IMMP2L: variants seen among roughly 807,000 people sequenced by gnomAD.
The protein encoded by IMMP2L is mitochondrial inner membrane protease subunit 2.
In IMMP2L, 18 loss-of-function variants were observed where a neutral mutation model predicts 19.3. The ratio of observed to expected loss-of-function variants is 0.93; its 90% CI spans 0.64 to 1.38. The LOEUF (loss-of-function observed/expected upper bound fraction) is 1.38, where lower values mean the gene tolerates loss of function less well. Among genes scored for constraint, IMMP2L ranks in the 40% most tolerant of loss-of-function variants. The pLI is 0.00. For synonymous variants in IMMP2L, 76 were observed against 73.0 expected (o/e 1.04, Z -0.21); for missense variants, 233 against 218.2 (o/e 1.07, Z -0.43).
At chr7:110,774,087 T>G (rs1799221693) in intron 5 of IMMP2L, among the ~76,000 whole-genome samples, 1 of 152,010 alleles carries the variant, frequency 6.6e-6, no homozygotes, top group Non-Finnish European at 1.5e-5. Flanking sequence ...CTGAAAAACT[T>G]TATAAGGGTG....
intron 5 of IMMP2L, among the ~76,000 whole-genome samples, chr7:110,867,882 T>A (rs1456975668): frequency 6.6e-6 from 1 of 152,040 alleles, no homozygotes. Context: ...TATCCTCACA[T>A]GGAGGTTTCT....
Position 110,663,719 on chromosome 7 carries a change from A to T in IMMP2L, c.411T>A (p.Val137=). Residue 137 remains valine, a splice_region_variant and synonymous_variant, in exon 6 of 6, where the codon GTT becomes GTA. Coordinates refer to ENST00000405709, the MANE Select transcript of IMMP2L (RefSeq NM_032549.4). Reference sequence around the variant, plus strand: ...CATGGGCATGCAGAAGTCCTAGGGAAACCTTAATTCATGAGAAACAGAAAG... The same window carrying T: ...CATGGGCATGCAGAAGTCCTAGGGATACCTTAATTCATGAGAAACAGAAAG... The part of the protein sequence containing the change: ...HSFDSNSFGP[V]SLGLLHAHAT... 1.0e-5 allele frequency: 16 copies of T among 1,571,474 alleles called. No homozygotes were observed. The highest frequency in any genetic ancestry group is 1.4e-5 in the Non-Finnish European group (16 of 1,162,064).
intron 3 of IMMP2L, among the ~76,000 whole-genome samples, chr7:111,436,499 T>C (rs1011117950): frequency 6.6e-6 from 1 of 151,558 alleles, no homozygotes; most frequent in South Asian, 2.1e-4. Context: ...GTCTCCCAAG[T>C]CTTTTTTTCT....
At chr7:111,480,186 C>T (rs1842058288) in intron 3 of IMMP2L, among the ~76,000 whole-genome samples, 1 of 151,570 alleles carries the variant, frequency 6.6e-6, no homozygotes, top group South Asian at 2.1e-4. Context: ...CAGGTTCACG[C>T]CATTCTCCTG....
intron 5 of IMMP2L, among the ~76,000 whole-genome samples, chr7:110,691,819 T>C (rs1584515004): frequency 6.6e-6 from 1 of 152,230 alleles, no homozygotes; most frequent in Non-Finnish European, 1.5e-5. Flanking sequence ...AATGTTGGCA[T>C]AGATGTGGTA....
At chr7:111,000,384 C>T (rs998518206) in intron 3 of IMMP2L, among the ~76,000 whole-genome samples, 1 of 152,156 alleles carries the variant, frequency 6.6e-6, no homozygotes, top group African/African-American at 2.4e-5. Context: ...GATAACACCC[C>T]TTGCTTTCAG....
intron 3 of IMMP2L, among the ~76,000 whole-genome samples, chr7:111,020,222 AC>A (rs1253170020): frequency 1.3e-5 from 2 of 151,854 alleles, no homozygotes; most frequent in African/African-American, 4.8e-5. Context: ...TGCCTCTACT[AC>A]AAATACAAAA....
At position 110,730,608 on chromosome 7, in the gene IMMP2L, T is replaced by C. The variant is rs193055272; in HGVS notation, c.409-66887A>G. On this transcript the variant is annotated intron_variant, in intron 5 of 5. Coordinates refer to ENST00000405709, the MANE Select transcript of IMMP2L (RefSeq NM_032549.4). Reference sequence around the variant, plus strand: ...CATGCCATCTCGGCTCACTGCAAGCTCCGCCTCCCGGGTTCAGGCCATTCT... The same window carrying C: ...CATGCCATCTCGGCTCACTGCAAGCCCCGCCTCCCGGGTTCAGGCCATTCT... 1.8e-3 allele frequency among the ~76,000 whole-genome samples: 268 copies of C among 151,710 alleles called. 1 individual carries two copies. Among genetic ancestry groups the C allele is most frequent in the African/African-American group, 6.2e-3 (257 of 41,386 alleles).
At chr7:111,042,730 T>G (rs915847598) in intron 3 of IMMP2L, among the ~76,000 whole-genome samples, 2 of 152,182 alleles carry the variant, frequency 1.3e-5, no homozygotes, top group African/African-American at 4.8e-5. Context: ...ATGACTAACA[T>G]CTAAATTGGG....
chr7:110,752,235 A>G (rs988162126), intron 5 of IMMP2L, among the ~76,000 whole-genome samples: 1 of 152,016 alleles, frequency 6.6e-6, no homozygotes, highest in African/African-American at 2.4e-5. Flanking sequence ...CTTCTGGTTC[A>G]GTCTTATTAC....
intron 3 of IMMP2L, among the ~76,000 whole-genome samples, chr7:111,092,712 C>A (rs1270307751): frequency 6.6e-6 from 1 of 152,162 alleles, no homozygotes; most frequent in Non-Finnish European, 1.5e-5. Flanking sequence ...TACTTCCAAT[C>A]TTGTAAAGGG....
intron 4 of IMMP2L, among the ~76,000 whole-genome samples, chr7:110,899,649 G>A (rs1351246477): frequency 6.6e-6 from 1 of 152,138 alleles, no homozygotes; most frequent in African/African-American, 2.4e-5. Context: ...GTAGGGCAGT[G>A]AATTGTTTAG....
At chr7:110,684,017 G>C (rs1008438532) in intron 5 of IMMP2L, among the ~76,000 whole-genome samples, 6 of 152,102 alleles carry the variant, frequency 3.9e-5, no homozygotes, top group Non-Finnish European at 7.4e-5. Flanking sequence ...AAATTGCTAA[G>C]AGTAAATAAC....
At chr7:111,310,455 G>C (rs866482918) in intron 3 of IMMP2L, among the ~76,000 whole-genome samples, 7 of 152,082 alleles carry the variant, frequency 4.6e-5, no homozygotes, top group African/African-American at 1.7e-4. Context: ...TTTTGTTTCT[G>C]TTGGTCTTTA....
At chr7:110,905,424 C>T (rs2129547687) in intron 4 of IMMP2L, among the ~76,000 whole-genome samples, 1 of 152,210 alleles carries the variant, frequency 6.6e-6, no homozygotes, top group South Asian at 2.1e-4. Flanking sequence ...GATGAATACA[C>T]TCATTCTTTC....
chr7:111,473,977 T>C (rs997384966), intron 3 of IMMP2L, among the ~76,000 whole-genome samples: 1 of 151,746 alleles, frequency 6.6e-6, no homozygotes, highest in African/African-American at 2.4e-5. Flanking sequence ...CACCATGGAG[T>C]ACTACACAGC....
rs10234142 is a variant in IMMP2L at position 110,810,394 on chromosome 7, G to C, written c.408+76199C>G. ...TCAGATAGCATGTGTTGCTAAAGGA[G>C]CTATTATGTTACCCATTCCAAACAT... On this transcript the variant is annotated intron_variant, in intron 5 of 5. Coordinates refer to ENST00000405709, the MANE Select transcript of IMMP2L (RefSeq NM_032549.4). 4.8e-3 allele frequency among the ~76,000 whole-genome samples: 729 copies of C among 152,140 alleles called. 9 individuals carry two copies. Among genetic ancestry groups the C allele is most frequent in the African/African-American group, 0.016 (683 of 41,530 alleles).
chr7:111,362,078 C>A (rs1829311603), intron 3 of IMMP2L, among the ~76,000 whole-genome samples: 1 of 151,936 alleles, frequency 6.6e-6, no homozygotes, highest in Non-Finnish European at 1.5e-5. Flanking sequence ...TTATACCAGT[C>A]TTTTAAGAGT....
intron 3 of IMMP2L, among the ~76,000 whole-genome samples, chr7:111,164,358 A>G (rs1805603409): frequency 6.6e-6 from 1 of 152,114 alleles, no homozygotes; most frequent in African/African-American, 2.4e-5. Flanking sequence ...AGTAAGCAGC[A>G]GAGGGAGTCC....
Sources: gnomAD v4.1 joint callset for allele counts (sites outside exome capture counted in the v4.1 genomes callset) on GRCh38, gnomAD v4.1.1 for gene constraint, MANE v1.5 for transcripts, NCBI Gene and HGNC (gene_info 2026-07-23, HGNC 2026-07-21) for gene names.